The following ANXA8 variants were observed in gnomAD, a reference collection of about 807,000 sequenced individuals.
ANXA8 encodes annexin A8, also known as VAC-beta.
A neutral mutation model predicts 26.8 loss-of-function variants in ANXA8; 9 were observed. The ratio of observed to expected loss-of-function variants is 0.34; its 90% CI spans 0.20 to 0.59. The LOEUF (loss-of-function observed/expected upper bound fraction) is 0.59, where lower values mean the gene tolerates loss of function less well. ANXA8 is among the 20% of genes least tolerant of loss of function. The pLI, the probability that ANXA8 is intolerant of heterozygous loss-of-function variation, is 0.84. For missense variants in ANXA8, 83 were observed against 238.5 expected (o/e 0.35, Z 4.29); for synonymous variants, 39 against 94.8 (o/e 0.41, Z 3.42).
At chr10:47,707,862 T>G in the ANXA8 span, among the ~76,000 whole-genome samples, 1 of 135,200 alleles carries the variant, frequency 7.4e-6, no homozygotes, top group Non-Finnish European at 1.6e-5. Context: ...AGCAATCCCA[T>G]TACTAGGTAT....
the ANXA8 span, among the ~76,000 whole-genome samples, chr10:47,650,590 A>G: frequency 1.4e-5 from 2 of 146,400 alleles, no homozygotes; most frequent in Admixed American, 1.4e-4. Flanking sequence ...GCGGATCACG[A>G]GGTCAGGAGA....
the ANXA8 span, among the ~76,000 whole-genome samples, chr10:47,669,057 T>C: frequency 2.0e-5 from 3 of 151,786 alleles, no homozygotes; most frequent in African/African-American, 4.9e-5. Context: ...TTAAGGCCTC[T>C]GTTTTCATTA....
the ANXA8 span, among the ~76,000 whole-genome samples, chr10:47,696,707 A>G: frequency 7.1e-5 from 10 of 141,412 alleles, no homozygotes; most frequent in Non-Finnish European, 1.2e-4. Context: ...TTATTTTAAG[A>G]AGTATTGGGT....
chr10:47,664,041 T>C, the ANXA8 span, among the ~76,000 whole-genome samples: 5 of 150,744 alleles, frequency 3.3e-5, no homozygotes, highest in African/African-American at 7.4e-5. Context: ...ATTGTGGACA[T>C]TGACTACATT....
chr10:47,735,680 C>G, the ANXA8 span, among the ~76,000 whole-genome samples: 13 of 151,436 alleles, frequency 8.6e-5, no homozygotes, highest in Admixed American at 4.0e-4. Context: ...ATTCTGTTAA[C>G]CAGGTTGGAG....
At chr10:47,649,729 T>A in the ANXA8 span, among the ~76,000 whole-genome samples, 12 of 146,144 alleles carry the variant, frequency 8.2e-5, no homozygotes, top group Non-Finnish European at 1.2e-4. Context: ...AAAATTTTTT[T>A]AAAGTTTTTA....
chr10:47,624,616 A>G, the ANXA8 span, among the ~76,000 whole-genome samples: 2 of 73,300 alleles, frequency 2.7e-5, no homozygotes, highest in African/African-American at 9.8e-5. Context: ...GATCATATCA[A>G]AAAGCACCAC....
the ANXA8 span, among the ~76,000 whole-genome samples, chr10:47,969,313 T>C: frequency 1.3e-5 from 2 of 151,434 alleles, no homozygotes; most frequent in South Asian, 4.2e-4. Context: ...TCAGGTAAGA[T>C]GAGAATTAGC....
At chr10:47,617,838 C>T in the ANXA8 span, among the ~76,000 whole-genome samples, 317 of 142,736 alleles carry the variant, frequency 2.2e-3, 4 homozygotes, top group Non-Finnish European at 3.6e-3. Flanking sequence ...GAACTTTTAT[C>T]GGCAATTGGA....
the ANXA8 span, among the ~76,000 whole-genome samples, chr10:47,958,202 G>A: frequency 6.0e-5 from 9 of 150,104 alleles, no homozygotes; most frequent in African/African-American, 1.5e-4. Flanking sequence ...TCTCCAGCTC[G>A]GCGTGGTGGT....
the ANXA8 span, among the ~76,000 whole-genome samples, chr10:47,951,381 C>A: frequency 1.3e-5 from 2 of 150,610 alleles, no homozygotes; most frequent in African/African-American, 4.9e-5. Flanking sequence ...AGTAGTATCA[C>A]TTTTATACAA....
the ANXA8 span, chr10:47,565,591 C>T: frequency 9.8e-4 from 290 of 294,558 alleles, 6 homozygotes; most frequent in African/African-American, 6.0e-3. Context: ...CGCCCAGGCA[C>T]GCCCACGGCC....
At chr10:47,704,377 A>G in the ANXA8 span, among the ~76,000 whole-genome samples, 1 of 143,164 alleles carries the variant, frequency 7.0e-6, no homozygotes, top group Non-Finnish European at 1.5e-5. Flanking sequence ...CCTGTTCATT[A>G]GGAATAGAAT....
At chr10:47,671,604 GT>G in the ANXA8 span, among the ~76,000 whole-genome samples, 1 of 151,528 alleles carries the variant, frequency 6.6e-6, no homozygotes, top group Non-Finnish European at 1.5e-5. Flanking sequence ...CTTATTCATT[GT>G]TGTGTCCTGA....
chr10:47,918,421 GAA>G, the ANXA8 span, among the ~76,000 whole-genome samples: 2 of 34,854 alleles, frequency 5.7e-5, no homozygotes, highest in Non-Finnish European at 5.9e-5. Context: ...AAGAAAGAAA[GAA>G]AGAAAGAAAG....
chr10:47,684,414 G>GTT, the ANXA8 span, among the ~76,000 whole-genome samples: 242 of 125,680 alleles, frequency 1.9e-3, 1 homozygote, highest in South Asian at 0.017. Flanking sequence ...TTCTAGTCAA[G>GTT]TTTTTTTTTG....
the ANXA8 span, among the ~76,000 whole-genome samples, chr10:47,721,155 A>G: frequency 2.8e-4 from 39 of 141,582 alleles, 8 homozygotes; most frequent in Non-Finnish European, 5.1e-4. Context: ...CTCAAAATCA[A>G]AACAAAAAAT....
At chr10:47,733,237 T>TTC in the ANXA8 span, among the ~76,000 whole-genome samples, 65 of 55,816 alleles carry the variant, frequency 1.2e-3, no homozygotes, top group South Asian at 3.1e-3. Flanking sequence ...CTTTCTCTCT[T>TTC]TCTTTCTTTC....
the ANXA8 span, chr10:47,549,157 A>T: frequency 1.6e-6 from 1 of 612,062 alleles, no homozygotes. Flanking sequence ...TATTATCATC[A>T]TCAATTCAAT....
Sources: allele counts gnomAD v4.1 joint callset (sites outside exome capture counted in the v4.1 genomes callset), GRCh38; gene constraint gnomAD v4.1.1; transcripts MANE v1.5; gene names NCBI Gene and HGNC (gene_info 2026-07-23, HGNC 2026-07-21).